The following PPP3CA variants were observed in gnomAD, a reference collection of about 807,000 sequenced individuals.
PPP3CA encodes CAM-PRP catalytic subunit.
Under a neutral mutation model 66.5 loss-of-function variants are expected in PPP3CA, and 14 were observed. That is an observed-to-expected ratio of 0.21 (90% CI 0.14 to 0.33). The LOEUF (loss-of-function observed/expected upper bound fraction) is 0.33, where lower values mean the gene tolerates loss of function less well. Among genes scored for constraint, PPP3CA ranks in the 10% least tolerant of loss-of-function variants. The pLI, the probability that PPP3CA is intolerant of heterozygous loss-of-function variation, is 1.00. For missense variants in PPP3CA, 317 were observed against 639.5 expected (o/e 0.50, Z 5.44); for synonymous variants, 232 against 226.2 (o/e 1.03, Z -0.23).
chr4:101,030,286 T>A (rs1726882356), intron 12 of PPP3CA, among the ~76,000 whole-genome samples: 1 of 152,168 alleles, frequency 6.6e-6, no homozygotes, highest in Non-Finnish European at 1.5e-5. Flanking sequence ...ATTTTAAAAC[T>A]ACAGCAACTG....
chr4:101,146,964 G>T (rs1337507383), intron 2 of PPP3CA, among the ~76,000 whole-genome samples: 1 of 152,134 alleles, frequency 6.6e-6, no homozygotes, highest in Non-Finnish European at 1.5e-5. Context: ...TCAAGCTCTG[G>T]ATTAGGGATG....
chr4:101,344,351 A>G (rs1729912122), intron 1 of PPP3CA, among the ~76,000 whole-genome samples: 1 of 152,220 alleles, frequency 6.6e-6, no homozygotes. Context: ...CTTATGTATG[A>G]CAAAAGGTTG....
intron 1 of PPP3CA, among the ~76,000 whole-genome samples, chr4:101,249,870 C>T (rs1032613525): frequency 1.2e-4 from 18 of 151,982 alleles, no homozygotes; most frequent in Admixed American, 8.5e-4. Context: ...AGACAGTTCC[C>T]TCAATACATT....
intron 1 of PPP3CA, among the ~76,000 whole-genome samples, chr4:101,337,363 A>G (rs1366262659): frequency 6.6e-6 from 1 of 152,212 alleles, no homozygotes; most frequent in African/African-American, 2.4e-5. Flanking sequence ...AGACTGAATA[A>G]TCTCTCACTT....
intron 2 of PPP3CA, among the ~76,000 whole-genome samples, chr4:101,172,505 A>G (rs1723916960): frequency 6.7e-6 from 1 of 148,564 alleles, no homozygotes; most frequent in Non-Finnish European, 1.5e-5. Flanking sequence ...TGTGACTAAC[A>G]GAGTTAGTCA....
chr4:101,076,022 T>C (rs1425516110), intron 8 of PPP3CA, among the ~76,000 whole-genome samples: 1 of 152,160 alleles, frequency 6.6e-6, no homozygotes, highest in East Asian at 1.9e-4. Flanking sequence ...TTAAAATCAC[T>C]TTTACAGGGG....
At chr4:101,124,707 AAG>A (rs1256776852) in intron 2 of PPP3CA, among the ~76,000 whole-genome samples, 9 of 105,132 alleles carry the variant, frequency 8.6e-5, no homozygotes, top group South Asian at 3.3e-4. Context: ...GAAAGAAAGA[AAG>A]AAAGAAAGAA....
intron 1 of PPP3CA, among the ~76,000 whole-genome samples, chr4:101,295,500 A>G (rs1410972731): frequency 2.6e-5 from 4 of 152,252 alleles, no homozygotes; most frequent in African/African-American, 9.6e-5. Context: ...AAGAAATTCC[A>G]AATAACATTT....
At chr4:101,156,380 T>C (rs1023496157) in intron 2 of PPP3CA, among the ~76,000 whole-genome samples, 2 of 152,036 alleles carry the variant, frequency 1.3e-5, no homozygotes, top group South Asian at 4.2e-4. Context: ...AGCACAGCAA[T>C]AGAAAAAGGC....
chr4:101,264,270 T>G (rs1411105915), intron 1 of PPP3CA, among the ~76,000 whole-genome samples: 1 of 152,214 alleles, frequency 6.6e-6, no homozygotes, highest in African/African-American at 2.4e-5. Context: ...TTATTTTTTA[T>G]GACCCAGCAC....
At chr4:101,303,102 G>A (rs796198433) in intron 1 of PPP3CA, among the ~76,000 whole-genome samples, 7 of 152,192 alleles carry the variant, frequency 4.6e-5, no homozygotes, top group African/African-American at 1.7e-4. Context: ...GTCAAAATGC[G>A]AGGGAAATAC....
Position 101,249,562 on chromosome 4 carries a change from T to C in PPP3CA, c.59-53446A>G, listed in dbSNP as rs75218953. Among the ~76,000 whole-genome samples the C allele has an allele frequency of 6.8e-3, 1,028 of 152,272 alleles. 42 individuals are homozygous for C. The East Asian group carries it at 0.1, about 16-fold the overall frequency. ...AAAAAAAGTATTGAACATAAGGAGT[T>C]AATATTTTGTGAGGGTAAAATATTA... On this transcript the variant is annotated intron_variant, in intron 1 of 13. Coordinates refer to ENST00000394854, the MANE Select transcript of PPP3CA (RefSeq NM_000944.5).
chr4:101,031,035 A>G (rs1351322920), intron 12 of PPP3CA, among the ~76,000 whole-genome samples: 1 of 151,394 alleles, frequency 6.6e-6, no homozygotes, highest in Admixed American at 6.6e-5. Context: ...AATACTATGT[A>G]TCTTCCTACC....
intron 8 of PPP3CA, among the ~76,000 whole-genome samples, chr4:101,078,395 T>A (rs1729283312): frequency 6.6e-6 from 1 of 152,160 alleles, no homozygotes; most frequent in Non-Finnish European, 1.5e-5. Flanking sequence ...TTGGCCCTGA[T>A]ACTATTTATT....
intron 12 of PPP3CA, among the ~76,000 whole-genome samples, chr4:101,029,515 T>C (rs377043127): frequency 5.9e-5 from 9 of 152,012 alleles, no homozygotes; most frequent in African/African-American, 2.2e-4. Flanking sequence ...TTACATGGAC[T>C]GAATTATAAG....
intron 6 of PPP3CA, among the ~76,000 whole-genome samples, chr4:101,085,584 CTT>C (rs1729629270): frequency 6.6e-6 from 1 of 152,042 alleles, no homozygotes. Context: ...TGAAGAAAAA[CTT>C]CAGACATTTT....
intron 1 of PPP3CA, among the ~76,000 whole-genome samples, chr4:101,265,926 A>G (rs1406239051): frequency 6.6e-5 from 10 of 151,740 alleles, no homozygotes; most frequent in South Asian, 2.1e-4. Flanking sequence ...CTCTACCTAG[A>G]AAAAAAAAGT....
intron 1 of PPP3CA, among the ~76,000 whole-genome samples, chr4:101,237,311 C>T (rs1030414180): frequency 6.6e-6 from 1 of 151,804 alleles, no homozygotes; most frequent in Non-Finnish European, 1.5e-5. Context: ...ATAACATTAT[C>T]GTTGTGTCCG....
intron 8 of PPP3CA, among the ~76,000 whole-genome samples, chr4:101,066,046 A>C (rs149692693): frequency 6.6e-6 from 1 of 152,240 alleles, no homozygotes; most frequent in Non-Finnish European, 1.5e-5. Context: ...TATTCCTCAA[A>C]AGTGGTTCTT....
Sources: allele counts gnomAD v4.1 joint callset (sites outside exome capture counted in the v4.1 genomes callset), GRCh38; gene constraint gnomAD v4.1.1; transcripts MANE v1.5; gene names NCBI Gene and HGNC (gene_info 2026-07-23, HGNC 2026-07-21).